The following DENND2D variants were observed in gnomAD, a reference collection of about 807,000 sequenced individuals.
DENND2D encodes the protein DENN domain-containing protein 2D.
Under a neutral mutation model 59.8 loss-of-function variants are expected in DENND2D, and 37 were observed. That is an observed-to-expected ratio of 0.62 (90% CI 0.48 to 0.81). DENND2D has a LOEUF of 0.81. Ranked by LOEUF, DENND2D falls within the 40% of genes least tolerant of loss-of-function variation. The pLI is 0.00. For synonymous variants in DENND2D, 219 were observed against 211.3 expected (o/e 1.04, Z -0.31); for missense variants, 525 against 579.7 (o/e 0.91, Z 0.97).
In DENND2D at chr1:111,192,182, T is replaced by C. The variant is rs752186052; in HGVS notation, c.930A>G (p.Gln310=). 2 of 1,613,380 alleles carry C rather than the reference T, an allele frequency of 1.2e-6. No homozygotes were observed. Among genetic ancestry groups the C allele is most frequent in the Admixed American group, 1.7e-5 (1 of 59,960 alleles). ...CCATGACCTCCTGCTGGAAGCGCAT[T>C]TGTACTCCAACCATGAAGGGGGTGG... ...CCPTPFMVGV[Q]MRFQQEVMDS... Residue 310 remains glutamine (Q), a synonymous_variant, in exon 8 of 12, where the codon CAA becomes CAG. Transcript: ENST00000357640.
At chr1:111,190,492 G>A (rs1657674436) in intron 8 of DENND2D, among the ~76,000 whole-genome samples, 1 of 152,180 alleles carries the variant, frequency 6.6e-6, no homozygotes, top group African/African-American at 2.4e-5. Flanking sequence ...ATTTAAACTG[G>A]ACTATCTCAC....
chr1:111,190,470 T>C (rs1657672197), intron 8 of DENND2D, among the ~76,000 whole-genome samples: 1 of 152,216 alleles, frequency 6.6e-6, no homozygotes, highest in South Asian at 2.1e-4. Flanking sequence ...AGTAATTGAT[T>C]TGGTTTCCAA....
chr1:111,189,391 C>G, intron 8 of DENND2D, 138 bp from the exon 9 acceptor site: 1 of 810,872 alleles, frequency 1.2e-6, no homozygotes, highest in East Asian at 2.6e-5. Flanking sequence ...TTCTCATTTC[C>G]TATCTAGCAT....
chr1:111,197,649 G>C (rs1376256930), intron 4 of DENND2D: 30 of 1,376,738 alleles, frequency 2.2e-5, no homozygotes, highest in Non-Finnish European at 2.7e-5. Context: ...AAGCAGGCCT[G>C]GATAGAGCAG....
At chr1:111,189,935 C>T (rs866842817) in intron 8 of DENND2D, among the ~76,000 whole-genome samples, 33 of 152,204 alleles carry the variant, frequency 2.2e-4, no homozygotes, top group Middle Eastern at 3.4e-3. Flanking sequence ...GAGGCCGAGG[C>T]GGGTGGATCA....
rs751587282 is a variant in DENND2D at position 111,199,771 on chromosome 1, G to A, written c.95C>T (p.Ala32Val). 3 of 1,614,062 alleles carry A rather than the reference G, an allele frequency of 1.9e-6. No individual in the cohort carries two copies. In the South Asian group the frequency reaches 3.3e-5, roughly 18 times the overall value. The change falls in exon 2 of 12, where the codon GCT becomes GTT. Residue 32 changes from alanine to valine, a missense_variant. Transcript: ENST00000357640. ...AGPPQDNSGE[A>V]LKEPERAQEH... ...CTGGGCCCTTTCTGGTTCCTTTAAA[G>A]CTTCCCCTGAATTGTCCTGGGGTGG...
chr1:111,203,411 C>T (rs574518480), upstream of DENND2D, among the ~76,000 whole-genome samples: 1 of 152,360 alleles, frequency 6.6e-6, no homozygotes, highest in South Asian at 2.1e-4. Flanking sequence ...CTTTGCTCCT[C>T]AGACAGTAGG....
chr1:111,189,401 T>C (rs1336817248), intron 8 of DENND2D, 148 bp from the exon 9 acceptor site: 20 of 751,686 alleles, frequency 2.7e-5, no homozygotes, highest in South Asian at 1.8e-4. Flanking sequence ...CTATCTAGCA[T>C]TCTCCTTTCT....
upstream of DENND2D, chr1:111,200,712 G>T (rs1360800827): frequency 5.5e-6 from 7 of 1,279,484 alleles, no homozygotes; most frequent in African/African-American, 9.1e-5. Flanking sequence ...CTGCAGCGCA[G>T]ATCTCAGCTC....
At chr1:111,194,834 A>G in intron 6 of DENND2D, 108 bp from the exon 7 acceptor site, 3 of 1,269,220 alleles carry the variant, frequency 2.4e-6, no homozygotes, top group South Asian at 2.8e-5. Flanking sequence ...CCAGGAGTGA[A>G]TCTGGCCCTG....
At chr1:111,194,779 G>C in intron 6 of DENND2D, 53 bp from the exon 7 acceptor site, 1 of 1,596,100 alleles carries the variant, frequency 6.3e-7, no homozygotes, top group Non-Finnish European at 8.6e-7. Context: ...AGATCATGCA[G>C]ACCCCGAGGT....
At chr1:111,193,656 TTTC>T (rs1250145979) in intron 7 of DENND2D, among the ~76,000 whole-genome samples, 2 of 152,148 alleles carry the variant, frequency 1.3e-5, no homozygotes, top group African/African-American at 4.8e-5. Context: ...CTAACATCCT[TTTC>T]TTCTTCCCTA....
chr1:111,198,110 A>AG (rs750958769), intron 3 of DENND2D, 121 bp from the exon 4 acceptor site: 18 of 889,022 alleles, frequency 2.0e-5, no homozygotes, highest in African/African-American at 2.0e-4. Context: ...CACAGGAGTA[A>AG]GGGCTCACTG....
At position 111,197,224 on chromosome 1, in the gene DENND2D, T is replaced by A; in HGVS notation, c.456A>T (p.Lys152Asn). The A allele has an allele frequency of 1.2e-6, 2 of 1,613,748 alleles. No individual in the cohort carries two copies. Among genetic ancestry groups the A allele is most frequent in the Admixed American group, 1.7e-5 (1 of 59,988 alleles). ...LPAGPGPRLP[K>N]VYCIISCIGC... ...CGATGCAGCTGATGATGCAGTACAC[T>A]TTGGGAAGGCGAGGGCCAGGGCCGG... The change falls in exon 5 of 12, where the codon AAA becomes AAT. Residue 152 changes from lysine to asparagine, a missense_variant. Coordinates refer to ENST00000357640, the MANE Select transcript of DENND2D (RefSeq NM_024901.5).
chr1:111,188,079 A>C, intron 11 of DENND2D, 52 bp downstream of exon 11: 1 of 1,594,356 alleles, frequency 6.3e-7, no homozygotes, highest in Non-Finnish European at 8.5e-7. Flanking sequence ...CCTCCTCTTT[A>C]TTCTAGAGGT....
At chr1:111,189,071 T>C in intron 9 of DENND2D, 141 bp downstream of exon 9, 1 of 976,946 alleles carries the variant, frequency 1.0e-6, no homozygotes, top group Non-Finnish European at 1.6e-6. Context: ...CATGGGCTCC[T>C]TGAGAGAGAT....
Position 111,194,681 on chromosome 1 carries a change from C to T in DENND2D, c.691G>A (p.Asp231Asn), listed in dbSNP as rs1483505914. Residue 231 changes from aspartate (D) to asparagine (N), a missense_variant, in exon 7 of 12, where the codon GAT (aspartate) becomes AAT (asparagine). By Grantham distance (23) the Asp-to-Asn change is conservative. Coordinates refer to ENST00000357640, the MANE Select transcript of DENND2D (RefSeq NM_024901.5). ...AGACAGTGCAATAGAGAACTAAAAT[C>T]CACATGTTCTAGGTGGGAGTCCAGG... ...RPLDSHLEHVDFSSLLHCLSF... is the reference protein window; with the variant it reads ...RPLDSHLEHVNFSSLLHCLSF... The T allele has an allele frequency of 1.2e-6, 2 of 1,614,012 alleles. No individual in the cohort carries two copies. The highest frequency in any genetic ancestry group is 1.7e-6 in the Non-Finnish European group (2 of 1,179,996).
intron 2 of DENND2D, 135 bp downstream of exon 2, chr1:111,199,488 C>T: frequency 1.1e-6 from 1 of 937,410 alleles, no homozygotes; most frequent in Middle Eastern, 3.0e-4. Context: ...AAATGGAGAG[C>T]AGTGAGCTCA....
chr1:111,188,708 A>G lies in DENND2D; in HGVS notation c.1093T>C (p.Leu365=), dbSNP rs769897721. ...LDSLGQGINE[L]KTAEQINEHV... ...AATAAGAGTAAGGACTTACTCTTTA[A>G]CTCATTGATCCCCTGACCAAGAGAG... Residue 365 remains leucine (L), a synonymous_variant, in exon 10 of 12, where the codon TTA becomes CTA. Transcript: ENST00000357640. The G allele has an allele frequency of 9.3e-6, 15 of 1,613,874 alleles. No homozygotes were observed. The highest frequency in any genetic ancestry group is 1.3e-5 in the African/African-American group (1 of 75,020).
Sources: allele counts gnomAD v4.1 joint callset (sites outside exome capture counted in the v4.1 genomes callset), GRCh38; gene constraint gnomAD v4.1.1; transcripts MANE v1.5; gene names NCBI Gene and HGNC (gene_info 2026-07-23, HGNC 2026-07-21).